The following SCAPER variants were observed in gnomAD, a reference collection of about 807,000 sequenced individuals.
SCAPER encodes the protein S-phase cyclin A associated protein in the ER, also known as S phase cyclin A-associated protein in the endoplasmic reticulum.
SCAPER carries 98 observed loss-of-function variants against 182.2 expected under a neutral mutation model. The observed-to-expected ratio is 0.54, with a 90% CI of 0.46 to 0.64. The LOEUF (loss-of-function observed/expected upper bound fraction) is 0.64. SCAPER is among the 30% of genes least tolerant of loss of function. The pLI, the probability that SCAPER is intolerant of heterozygous loss-of-function variation, is 0.00. For synonymous variants in SCAPER, 605 were observed against 564.6 expected (o/e 1.07, Z -1.01); for missense variants, 1,432 against 1,690.0 (o/e 0.85, Z 2.68).
At chr15:76,667,639 A>C (rs1226159087) in intron 20 of SCAPER, among the ~76,000 whole-genome samples, 1 of 46,496 alleles carries the variant, frequency 2.2e-5, no homozygotes, top group African/African-American at 6.6e-5. Flanking sequence ...AAAAAAAAAA[A>C]AAAAAAAAAA....
chr15:76,858,300 C>T (rs1199701720), intron 3 of SCAPER, among the ~76,000 whole-genome samples: 2 of 151,874 alleles, frequency 1.3e-5, no homozygotes, highest in African/African-American at 4.8e-5. Flanking sequence ...TATAAAACCC[C>T]AATATTTTGT....
chr15:76,453,784 A>G (rs1483359060), intron 25 of SCAPER, among the ~76,000 whole-genome samples: 3 of 152,172 alleles, frequency 2.0e-5, no homozygotes, highest in Non-Finnish European at 4.4e-5. Flanking sequence ...TTCTTGGGAG[A>G]TGGGTATGGC....
chr15:76,422,448 A>G (rs1409345602), intron 26 of SCAPER, among the ~76,000 whole-genome samples: 3 of 152,128 alleles, frequency 2.0e-5, no homozygotes, highest in Non-Finnish European at 2.9e-5. Context: ...AAGAATGCTT[A>G]TGATTTTTGC....
rs546328229 is a variant in SCAPER at position 76,733,085 on chromosome 15, G to A, written c.2022+144C>T. The A allele has an allele frequency of 3.4e-5, 26 of 766,296 alleles. No individual in the cohort carries two copies. The South Asian group carries it at 4.2e-4, about 12-fold the overall frequency. The allele number at this position is 766,296 out of a possible 1,614,324, so 47.5% of individuals were successfully genotyped here. A position where few individuals can be genotyped will look rare whatever the true frequency, so the allele number is the denominator to read the frequency against. On this transcript the variant is annotated intron_variant, in intron 16 of 31. Transcript: ENST00000563290. ...GGTAGTGGTCCCCCCAGGCCCAGCTGTCTTTTATTTCTTTGTCTTATGTCT... is the reference window on the plus strand; with the variant it reads ...GGTAGTGGTCCCCCCAGGCCCAGCTATCTTTTATTTCTTTGTCTTATGTCT...
At chr15:76,541,494 C>T (rs758784018) in intron 23 of SCAPER, among the ~76,000 whole-genome samples, 3 of 152,174 alleles carry the variant, frequency 2.0e-5, no homozygotes, top group Non-Finnish European at 2.9e-5. Context: ...TAGTCTCTTA[C>T]TCTGTCGGTG....
intron 25 of SCAPER, among the ~76,000 whole-genome samples, chr15:76,458,265 TTG>T (rs150204943): frequency 1.3e-5 from 2 of 151,126 alleles, no homozygotes; most frequent in Non-Finnish European, 3.0e-5. Flanking sequence ...ACATACTCCA[TTG>T]TGTGTGTGTG....
intron 15 of SCAPER, among the ~76,000 whole-genome samples, chr15:76,746,201 C>A (rs1334502225): frequency 6.6e-6 from 1 of 152,134 alleles, no homozygotes; most frequent in Non-Finnish European, 1.5e-5. Flanking sequence ...CTTCCTTGAC[C>A]TGATAAAGGA....
At chr15:76,578,856 A>T (rs1335694956) in intron 22 of SCAPER, among the ~76,000 whole-genome samples, 3 of 152,190 alleles carry the variant, frequency 2.0e-5, no homozygotes, top group Non-Finnish European at 4.4e-5. Context: ...TGAACTAAAT[A>T]AGACACCAGG....
At chr15:76,865,830 G>A (rs1221555487) in intron 2 of SCAPER, among the ~76,000 whole-genome samples, 2 of 151,998 alleles carry the variant, frequency 1.3e-5, no homozygotes, top group Non-Finnish European at 2.9e-5. Flanking sequence ...GTAAACATCC[G>A]TACCCATATT....
chr15:76,547,961 A>C (rs2045433986), intron 23 of SCAPER, among the ~76,000 whole-genome samples: 1 of 152,102 alleles, frequency 6.6e-6, no homozygotes, highest in Non-Finnish European at 1.5e-5. Context: ...TTTTGATTGA[A>C]TCTTACTTAT....
chr15:76,609,050 C>T (rs1567588335), intron 22 of SCAPER, among the ~76,000 whole-genome samples: 1 of 152,216 alleles, frequency 6.6e-6, no homozygotes, highest in Non-Finnish European at 1.5e-5. Flanking sequence ...CTGTCTGGCA[C>T]TCCCCATTGA....
At chr15:76,618,362 T>TC (rs797012576) in intron 22 of SCAPER, among the ~76,000 whole-genome samples, 71 of 152,344 alleles carry the variant, frequency 4.7e-4, no homozygotes, top group African/African-American at 1.6e-3. Context: ...ATTAGCTGAG[T>TC]CCTATCTCAT....
intron 27 of SCAPER, among the ~76,000 whole-genome samples, chr15:76,386,422 G>T (rs564804972): frequency 6.6e-6 from 1 of 152,288 alleles, no homozygotes; most frequent in Non-Finnish European, 1.5e-5. Flanking sequence ...CTAGGACCTG[G>T]AGTTCAGCAG....
chr15:76,370,390 T>C (rs1022293595), intron 29 of SCAPER, among the ~76,000 whole-genome samples: 7 of 148,080 alleles, frequency 4.7e-5, no homozygotes, highest in Non-Finnish European at 7.4e-5. Flanking sequence ...CTGCAACCTC[T>C]GCCTCCCGGG....
In SCAPER at chr15:76,511,843, A is replaced by ATATGTGTGTGTGTGTG. The variant is rs151255382; in HGVS notation, c.2839-6870_2839-6869insCACACACACACACATA. 5.1e-3 allele frequency among the ~76,000 whole-genome samples: 624 copies of ATATGTGTGTGTGTGTG among 123,224 alleles called. 10 individuals are homozygous for ATATGTGTGTGTGTGTG. The highest frequency in any genetic ancestry group is 0.02 in the African/African-American group (602 of 29,742). 80.8% of individuals were successfully genotyped at this position (123,224 alleles called of 152,430 possible). On this transcript the variant is annotated intron_variant, in intron 23 of 31. Transcript: ENST00000563290. The stretch of plus-strand genomic sequence containing the variant: ...AGATACACTTATTATATATATATAT[A>ATATGTGTGTGTGTGTG]TGTGTGTGTGTGTGTGTGTGTGTGT...
intron 23 of SCAPER, among the ~76,000 whole-genome samples, chr15:76,567,848 G>A (rs1489317033): frequency 6.6e-6 from 1 of 151,886 alleles, no homozygotes; most frequent in African/African-American, 2.4e-5. Context: ...GGTGCCTTTT[G>A]ATGAACAAAA....
chr15:76,520,145 T>C (rs1008011587), intron 23 of SCAPER, among the ~76,000 whole-genome samples: 1 of 152,244 alleles, frequency 6.6e-6, no homozygotes, highest in African/African-American at 2.4e-5. Context: ...TCCTCAGTTA[T>C]AATAGTGATC....
chr15:76,646,080 T>C (rs1242424961), intron 21 of SCAPER, among the ~76,000 whole-genome samples: 1 of 152,182 alleles, frequency 6.6e-6, no homozygotes, highest in African/African-American at 2.4e-5. Context: ...TGTTTATCCA[T>C]ATCTAAATTT....
intron 21 of SCAPER, among the ~76,000 whole-genome samples, chr15:76,637,544 A>AT (rs954935786): frequency 1.1e-4 from 16 of 149,400 alleles, no homozygotes; most frequent in African/African-American, 2.2e-4. Flanking sequence ...TACACACAAA[A>AT]TTTTTTTTTT....
Sources: allele counts gnomAD v4.1 joint callset (sites outside exome capture counted in the v4.1 genomes callset), GRCh38; gene constraint gnomAD v4.1.1; transcripts MANE v1.5; gene names NCBI Gene and HGNC (gene_info 2026-07-23, HGNC 2026-07-21).